The following NUAK2 variants were observed in gnomAD, a reference collection of about 807,000 sequenced individuals.
NUAK2 encodes the protein NUAK family kinase 2.
A neutral mutation model predicts 29.8 loss-of-function variants in NUAK2; 20 were observed. The observed-to-expected ratio is 0.67, with a 90% confidence interval of 0.47 to 0.98. The LOEUF is 0.98. NUAK2 is among the 50% of genes least tolerant of loss of function. The pLI is 0.00. For synonymous variants in NUAK2, 331 were observed against 342.6 expected, an observed-to-expected ratio of 0.97 and a Z score of 0.37; for missense variants, 719 against 834.5, an observed-to-expected ratio of 0.86 and a Z score of 1.71.
At position 205,304,287 on chromosome 1, in the gene NUAK2, C is replaced by T; in HGVS notation, c.1050G>A (p.Val350=). The change falls in exon 7 of 7, where the codon GTG becomes GTA. Residue 350 remains valine (V), a synonymous_variant. Coordinates refer to ENST00000367157, the MANE Select transcript of NUAK2 (RefSeq NM_030952.3). The surrounding 1 kb of genome is among the most constrained non-coding windows in gnomAD (Gnocchi z 6.5). The stretch of plus-strand genomic sequence containing the variant: ...GTGCATGCTGCTTGAAGAAGCTGCA[C>T]ACCTTGGCCCCATTCTCCAGGAGGG... ...SRPLLENGAK[V]CSFFKQHAPG... 6.2e-7 allele frequency: 1 copy of T among 1,613,016 alleles called. No individual in the cohort carries two copies. Among genetic ancestry groups the T allele is most frequent in the Non-Finnish European group, 8.5e-7 (1 of 1,179,286 alleles).
intron 1 of NUAK2, among the ~76,000 whole-genome samples, chr1:205,317,461 G>A (rs1662344688): frequency 6.6e-6 from 1 of 152,214 alleles, no homozygotes; most frequent in Admixed American, 6.5e-5. Flanking sequence ...AGGCTGGGCA[G>A]AGTGGGGGTG....
chr1:205,303,908 C>G lies in NUAK2; in HGVS notation c.1429G>C (p.Val477Leu), dbSNP rs762199327. Residue 477 changes from valine (V) to leucine (L), a missense_variant, in exon 7 of 7, where the codon GTG becomes CTG. Physicochemically the swap from Val to Leu is conservative, Grantham distance 32. Coordinates refer to ENST00000367157, the MANE Select transcript of NUAK2 (RefSeq NM_030952.3). ...ESGELLDAGD[V>L]FVSGDPKEQK... is the part of the protein sequence containing the mutation. ...TCCTTGGGATCCCCACTCACAAACA[C>G]GTCGCCTGCGTCCAAGAGCTCCCCA... 8.1e-6 allele frequency: 13 copies of G among 1,614,028 alleles called. No individual in the cohort carries two copies. In the East Asian group the frequency reaches 2.9e-4, roughly 36 times the overall value.
chr1:205,304,327 C>T lies in NUAK2; in HGVS notation c.1010G>A (p.Arg337Gln), dbSNP rs368815457. The T allele has an allele frequency of 3.0e-5, 48 of 1,609,560 alleles. No individual in the cohort carries two copies. The highest frequency in any genetic ancestry group is 2.7e-4 in the African/African-American group (20 of 75,002). ...CTCCAGGAGGGGGCGGGAGGAACGC[C>T]GGAGCCAGTCAGCCATGGAGGCGCG... ...SARASMADWLRRSSRPLLENG... is the reference protein window; with the variant it reads ...SARASMADWLQRSSRPLLENG... The change falls in exon 7 of 7, where the codon CGG becomes CAG. Residue 337 changes from arginine to glutamine, a missense_variant. Around this residue, in one of 3 missense-constraint regions of NUAK2, gnomAD observed 430 missense variants for 465.7 expected, o/e 0.92. Transcript: ENST00000367157. This position sits in a 1 kb window ranked among gnomAD's most constrained non-coding sequence, Gnocchi z 6.5.
intron 2 of NUAK2, among the ~76,000 whole-genome samples, chr1:205,309,295 T>A (rs1017351023): frequency 6.6e-6 from 1 of 152,110 alleles, no homozygotes; most frequent in Non-Finnish European, 1.5e-5. Flanking sequence ...AGGTCTGACA[T>A]ATAAACAAGC....
chr1:205,310,160 T>C (rs1023835764), intron 2 of NUAK2, among the ~76,000 whole-genome samples: 15 of 152,188 alleles, frequency 9.9e-5, no homozygotes, highest in African/African-American at 3.6e-4. Context: ...GGGAATTGGA[T>C]ACATGGCCAG....
intron 1 of NUAK2, among the ~76,000 whole-genome samples, chr1:205,315,640 A>C (rs1662316329): frequency 1.3e-5 from 2 of 152,188 alleles, no homozygotes; most frequent in Non-Finnish European, 2.9e-5. Context: ...TGGGAGACCG[A>C]GGCGGGCAAA....
At chr1:205,313,133 T>C (rs1287090751) in intron 1 of NUAK2, among the ~76,000 whole-genome samples, 1 of 152,056 alleles carries the variant, frequency 6.6e-6, no homozygotes, top group Non-Finnish European at 1.5e-5. Context: ...AAAAGAATTC[T>C]GGAGATTGGT....
In NUAK2 at chr1:205,303,789, CGCGAGCTCCAAG is replaced by C. The variant is rs1558670914; in HGVS notation, c.1536_1547del (p.Leu513_Ala516del). ...CCAGGGAGCCGAAGGTGGTGGGGGC[CGCGAGCTCCAAG>C]GCTGTCTGGGAGAACTTGCCATTGA... is the stretch of plus-strand genomic sequence containing the variant. On this transcript the variant is annotated inframe_deletion, in exon 7 of 7. Transcript: ENST00000367157. 1.9e-6 allele frequency: 3 copies of C among 1,563,684 alleles called. No homozygotes were observed. Among genetic ancestry groups the C allele is most frequent in the Non-Finnish European group, 2.6e-6 (3 of 1,154,954 alleles).
In NUAK2 at chr1:205,304,280, A is replaced by G. The variant is rs761100265; in HGVS notation, c.1057T>C (p.Phe353Leu). 43 of 1,613,632 alleles carry G rather than the reference A, an allele frequency of 2.7e-5. No individual in the cohort carries two copies. Among genetic ancestry groups the G allele is most frequent in the Non-Finnish European group, 3.6e-5 (42 of 1,179,818 alleles). Reference sequence around the variant, plus strand: ...CCACCAGGTGCATGCTGCTTGAAGAAGCTGCACACCTTGGCCCCATTCTCC... The same window carrying G: ...CCACCAGGTGCATGCTGCTTGAAGAGGCTGCACACCTTGGCCCCATTCTCC... ...LLENGAKVCSFFKQHAPGGGS... is the reference protein window; with the variant it reads ...LLENGAKVCSLFKQHAPGGGS... The change falls in exon 7 of 7, where the codon TTC (phenylalanine) becomes CTC (leucine). Residue 353 changes from phenylalanine to leucine, a missense_variant. Physicochemically the swap from Phe to Leu is conservative, Grantham distance 22. Transcript: ENST00000367157. The surrounding 1 kb of genome is among the most constrained non-coding windows in gnomAD (Gnocchi z 6.5).
rs41264881 is a variant in NUAK2, at chr1:205,304,014, G to T, written c.1323C>A (p.Pro441=). 4.3e-6 allele frequency: 7 copies of T among 1,613,844 alleles called. No homozygotes were observed. The highest frequency in any genetic ancestry group is 1.3e-5 in the African/African-American group (1 of 74,912). ...TGAGAATGCCCTTCTTGGGGAGCAG[G>T]GGGGCAGCCTGCCCTGGGCTCGCAG... ...PIPASPGQAA[P]LLPKKGILKK... The change falls in exon 7 of 7, where the codon CCC becomes CCA. Residue 441 remains proline, a synonymous_variant. Transcript: ENST00000367157. The surrounding 1 kb of genome is among the most constrained non-coding windows in gnomAD (Gnocchi z 6.5).
At chr1:205,321,329 C>T in intron 1 of NUAK2, 69 bp downstream of exon 1, 1 of 1,368,262 alleles carries the variant, frequency 7.3e-7, no homozygotes, top group Non-Finnish European at 9.8e-7. Flanking sequence ...CCGCCGCCCG[C>T]CCTCCTCCGC....
Position 205,321,720 on chromosome 1 carries a change from G to T in NUAK2, c.-92C>A. On this transcript the variant is annotated 5_prime_UTR_variant, in exon 1 of 7. Transcript: ENST00000367157. ...GGGCACAGGTCCCGCACCAGGACGG[G>T]GAGCCACAGCAGTACCAGAGCGCGC... is the stretch of plus-strand genomic sequence containing the variant. 1 of 1,045,838 alleles carries T rather than the reference G, an allele frequency of 9.6e-7. No individual in the cohort carries two copies. Among genetic ancestry groups the T allele is most frequent in the Non-Finnish European group, 1.4e-6 (1 of 714,606 alleles). 64.8% of individuals were successfully genotyped at this position (1,045,838 alleles called of 1,614,324 possible).
Position 205,303,397 on chromosome 1 carries a change from T to C in NUAK2, c.*53A>G, listed in dbSNP as rs1031353743. On this transcript the variant is annotated 3_prime_UTR_variant, in exon 7 of 7. Transcript: ENST00000367157. The stretch of plus-strand genomic sequence containing the variant: ...GGGGAGAAGGCATCTCCCCTCGGGG[T>C]GCAACCAGCTGCATCTGAGAGCCTG... 5.5e-5 allele frequency: 80 copies of C among 1,462,978 alleles called. No homozygotes were observed. Among genetic ancestry groups the C allele is most frequent in the Non-Finnish European group, 7.1e-5 (77 of 1,091,020 alleles). The allele number at this position is 1,462,978 out of a possible 1,614,324, so 90.6% of individuals were successfully genotyped here.
chr1:205,308,628 T>G lies in NUAK2; in HGVS notation c.457A>C (p.Arg153=), dbSNP rs1349085407. ...ERQQLSEREA[R]HFFRQIVSAV... ...GAGACGATCTGCCGGAAGAAATGCC[T>G]AGCTTCGCGCTCACTGAGCTGCTGC... Residue 153 remains arginine, a synonymous_variant, in exon 3 of 7, where the codon AGG becomes CGG. Transcript: ENST00000367157. This position sits in a 1 kb window ranked among gnomAD's most constrained non-coding sequence, Gnocchi z 4.1. 7 of 1,613,980 alleles carry G rather than the reference T, an allele frequency of 4.3e-6. No individual in the cohort carries two copies. Among genetic ancestry groups the G allele is most frequent in the Non-Finnish European group, 5.9e-6 (7 of 1,180,006 alleles).
chr1:205,307,177 C>A (rs1662194083), intron 4 of NUAK2, among the ~76,000 whole-genome samples: 1 of 152,182 alleles, frequency 6.6e-6, no homozygotes, highest in South Asian at 2.1e-4. Flanking sequence ...CACCTCTTCA[C>A]CACATCAGAG....
At chr1:205,319,645 C>G (rs772558705) in intron 1 of NUAK2, among the ~76,000 whole-genome samples, 4 of 152,148 alleles carry the variant, frequency 2.6e-5, no homozygotes, top group Admixed American at 2.0e-4. Context: ...GGAGCCTCAC[C>G]GGGCCCTCAC....
chr1:205,315,916 AAG>A (rs1662322126), intron 1 of NUAK2, among the ~76,000 whole-genome samples: 1 of 152,172 alleles, frequency 6.6e-6, no homozygotes, highest in Non-Finnish European at 1.5e-5. Context: ...AAAACCAAGG[AAG>A]AGGGTAACAA....
At chr1:205,321,206 ACCACTGT>A in intron 1 of NUAK2, among the ~76,000 whole-genome samples, 185 bp downstream of exon 1, 1 of 152,226 alleles carries the variant, frequency 6.6e-6, no homozygotes, top group Non-Finnish European at 1.5e-5. Context: ...CAAGTTTGCG[ACCACTGT>A]CCCTGCAATC....
At chr1:205,314,754 T>C (rs1662303305) in intron 1 of NUAK2, among the ~76,000 whole-genome samples, 1 of 152,174 alleles carries the variant, frequency 6.6e-6, no homozygotes, top group Non-Finnish European at 1.5e-5. Context: ...ATCTAGATAA[T>C]CAAAACTATT....
Sources: allele counts gnomAD v4.1 joint callset (sites outside exome capture counted in the v4.1 genomes callset), GRCh38; gene constraint gnomAD v4.1.1; regional missense constraint gnomAD v4.1.1; non-coding constraint Gnocchi (gnomAD v3.1); transcripts MANE v1.5; gene names NCBI Gene and HGNC (gene_info 2026-07-23, HGNC 2026-07-21).